GRHPR: variants seen among roughly 807,000 people sequenced by gnomAD.
GRHPR encodes the protein glyoxylate reductase/hydroxypyruvate reductase.
Under a neutral mutation model 36.8 loss-of-function variants are expected in GRHPR, and 35 were observed. The observed-to-expected ratio is 0.95, with a 90% CI of 0.73 to 1.26. GRHPR has a LOEUF of 1.26. Ranked by LOEUF, GRHPR falls within the 50% of genes most tolerant of loss-of-function variation. The pLI, the probability that GRHPR is intolerant of heterozygous loss-of-function variation, is 0.00. For synonymous variants in GRHPR, 179 were observed against 181.0 expected (o/e 0.99, Z 0.09); for missense variants, 380 against 435.0 (o/e 0.87, Z 1.12).
intron 1 of GRHPR, among the ~76,000 whole-genome samples, chr9:37,423,973 G>C (rs1206425586): frequency 6.6e-6 from 1 of 152,228 alleles, no homozygotes; most frequent in Non-Finnish European, 1.5e-5. Context: ...CTTGTACTCA[G>C]AAGTGTCTGA....
Position 37,425,943 on chromosome 9 carries a change from G to C in GRHPR, c.236G>C (p.Ser79Thr). 3 of 1,613,632 alleles carry C rather than the reference G, an allele frequency of 1.9e-6. No individual in the cohort carries two copies. Among genetic ancestry groups the C allele is most frequent in the Non-Finnish European group, 2.5e-6 (3 of 1,179,524 alleles). Residue 79 changes from serine (S) to threonine (T), a missense_variant, in exon 3 of 9, where the codon AGC (serine) becomes ACC (threonine). Ser to Thr is a moderately conservative substitution (Grantham distance 58, BLOSUM62 1). Coordinates refer to ENST00000318158, the MANE Select transcript of GRHPR (RefSeq NM_012203.2). ...DAAGANLKVI[S>T]TMSVGIDHLA... ...ACAGGGGCCAATCTCAAAGTCATCAGCACCATGTCTGTGGGCATCGACCAC... is the reference window on the plus strand; with the variant it reads ...ACAGGGGCCAATCTCAAAGTCATCACCACCATGTCTGTGGGCATCGACCAC...
intron 8 of GRHPR, chr9:37,434,157 C>G (rs1452260122): frequency 2.5e-6 from 1 of 398,208 alleles, no homozygotes; most frequent in African/African-American, 2.1e-5. Context: ...TCTACAAAAT[C>G]TAAGCACTGG....
chr9:37,422,503 G>T (rs981311879), upstream of GRHPR, among the ~76,000 whole-genome samples: 1 of 144,250 alleles, frequency 6.9e-6, no homozygotes, highest in Non-Finnish European at 1.5e-5. Context: ...TGATTCCCCA[G>T]TGGCACGAGG....
chr9:37,425,896 C>G (rs1251852725), intron 2 of GRHPR, 26 bp from the exon 3 acceptor site: 1 of 1,560,000 alleles, frequency 6.4e-7, no homozygotes, highest in South Asian at 1.1e-5. Context: ...AGGAAAGATA[C>G]TAACAATGCA....
chr9:37,425,709 T>A (rs1823045533), intron 2 of GRHPR, among the ~76,000 whole-genome samples: 2 of 152,230 alleles, frequency 1.3e-5, no homozygotes, highest in South Asian at 4.1e-4. Flanking sequence ...TGAACCCGGC[T>A]CTGCCTGTGA....
At chr9:37,426,720 T>A (rs1823099517) in intron 4 of GRHPR, 66 bp downstream of exon 4, 1 of 892,782 alleles carries the variant, frequency 1.1e-6, no homozygotes. Flanking sequence ...GAGGCCAAAG[T>A]GAGCGGATCA....
intron 8 of GRHPR, chr9:37,434,827 A>T (rs117192761): frequency 0.027 from 4,134 of 152,434 alleles, 75 homozygotes; most frequent in Non-Finnish European, 0.042. Context: ...ACCACTTTTG[A>T]ATTCTCCTAG....
At chr9:37,429,319 C>G (rs1371630894) in intron 5 of GRHPR, 1 of 279,186 alleles carries the variant, frequency 3.6e-6, no homozygotes, top group Non-Finnish European at 7.1e-6. Flanking sequence ...GCAGTGCCAC[C>G]AAAAAGTCAA....
At chr9:37,428,336 G>T in intron 4 of GRHPR, 148 bp from the exon 5 acceptor site, 31 of 658,618 alleles carry the variant, frequency 4.7e-5, no homozygotes, top group Non-Finnish European at 6.0e-5. Flanking sequence ...CATCTGCAGT[G>T]CCGAGTGGCA....
rs1024857520 is a variant in GRHPR, at chr9:37,424,792, C to T, written c.84-53C>T. On this transcript the variant is annotated intron_variant, in intron 1 of 8. Transcript: ENST00000318158. Reference sequence around the variant, plus strand: ...GGCCAGGATTCCCAGCTGGGAGGGGCGGGGACAGGTGTGCGGCTCCTGCTT... The same window carrying T: ...GGCCAGGATTCCCAGCTGGGAGGGGTGGGGACAGGTGTGCGGCTCCTGCTT... The T allele has an allele frequency of 2.8e-5, 44 of 1,584,766 alleles. 1 individual carries two copies. The highest frequency in any genetic ancestry group is 2.5e-4 in the South Asian group (22 of 88,612).
chr9:37,433,358 C>T (rs886656516), intron 8 of GRHPR, among the ~76,000 whole-genome samples: 3 of 151,824 alleles, frequency 2.0e-5, no homozygotes, highest in Non-Finnish European at 4.4e-5. Flanking sequence ...CTCAGCTTCC[C>T]GAGTAGCTGG....
chr9:37,429,744 C>T lies in GRHPR; in HGVS notation c.506C>T (p.Ala169Val), dbSNP rs952908719. ...IGLGRIGQAI[A>V]RRLKPFGVQR... Reference sequence around the variant, plus strand: ...CTCCTTGCTCTAGGCCAGGCCATTGCTCGGCGTCTGAAACCATTCGGTGTC... The same window carrying T: ...CTCCTTGCTCTAGGCCAGGCCATTGTTCGGCGTCTGAAACCATTCGGTGTC... The change falls in exon 6 of 9, where the codon GCT (alanine) becomes GTT (valine). Residue 169 changes from alanine (A) to valine (V), a missense_variant. By Grantham distance (64) the Ala-to-Val change is moderately conservative. Coordinates refer to ENST00000318158, the MANE Select transcript of GRHPR (RefSeq NM_012203.2). The T allele has an allele frequency of 3.1e-6, 5 of 1,611,556 alleles. No individual in the cohort carries two copies. Among genetic ancestry groups the T allele is most frequent in the African/African-American group, 1.3e-5 (1 of 74,896 alleles).
At chr9:37,422,638 C>A (rs1822880032), upstream of GRHPR, 1 of 855,778 alleles carries the variant, frequency 1.2e-6, no homozygotes, top group Non-Finnish European at 1.9e-6. Flanking sequence ...ACCCCCTGCG[C>A]ACGCCGCGCG....
chr9:37,426,932 C>T (rs191865843), intron 4 of GRHPR, among the ~76,000 whole-genome samples: 22 of 147,544 alleles, frequency 1.5e-4, no homozygotes, highest in Admixed American at 1.5e-3. Flanking sequence ...GCCCAGGTGA[C>T]GGTGTGAGAC....
upstream of GRHPR, chr9:37,422,617 C>T: frequency 2.7e-6 from 2 of 736,010 alleles, no homozygotes; most frequent in African/African-American, 1.7e-5. Context: ...CGCTCCCTCT[C>T]GCGAAGCCAC....
In GRHPR at chr9:37,426,520, C is replaced by G; in HGVS notation, c.288-18C>G. The G allele has an allele frequency of 6.9e-7, 1 of 1,447,330 alleles. No homozygotes were observed. Among genetic ancestry groups the G allele is most frequent in the Non-Finnish European group, 9.7e-7 (1 of 1,027,750 alleles). 89.7% of individuals were successfully genotyped at this position (1,447,330 alleles called of 1,614,324 possible). A position where few individuals can be genotyped will look rare whatever the true frequency, so the allele number is the denominator to read the frequency against. On this transcript the variant is annotated intron_variant, in intron 3 of 8. Transcript: ENST00000318158. ...ATATGGTTGAGGCTGATGTTACCAC[C>G]AGATGTCTGATTCGTAGTGGGATCC...
At chr9:37,425,901 A>G in intron 2 of GRHPR, 21 bp from the exon 3 acceptor site, 1 of 1,577,514 alleles carries the variant, frequency 6.3e-7, no homozygotes, top group Non-Finnish European at 8.7e-7. Flanking sequence ...AGATACTAAC[A>G]ATGCACTTTC....
chr9:37,428,202 AG>A, intron 4 of GRHPR: 1 of 544,178 alleles, frequency 1.8e-6, no homozygotes, highest in Non-Finnish European at 3.3e-6. Flanking sequence ...GTGTGACCTC[AG>A]GCAAGTCACC....
At chr9:37,438,665 G>A (rs1464467391), downstream of GRHPR, 3 of 152,276 alleles carry the variant, frequency 2.0e-5, no homozygotes, top group Non-Finnish European at 4.4e-5. Flanking sequence ...ATTTTCTCCA[G>A]GCTAACCCAC....
Sources: gnomAD v4.1 joint callset for allele counts (sites outside exome capture counted in the v4.1 genomes callset) on GRCh38, gnomAD v4.1.1 for gene constraint, MANE v1.5 for transcripts, NCBI Gene and HGNC (gene_info 2026-07-23, HGNC 2026-07-21) for gene names.